PDSS2: variants seen among roughly 807,000 people sequenced by gnomAD.
The protein encoded by PDSS2 is all trans-polyprenyl-diphosphate synthase PDSS2.
A neutral mutation model predicts 44.5 loss-of-function variants in PDSS2; 31 were observed. That is an observed-to-expected ratio of 0.70 (90% CI 0.52 to 0.94). The LOEUF is 0.94. Ranked by LOEUF, PDSS2 falls within the 40% of genes least tolerant of loss-of-function variation. PDSS2 has a pLI of 0.00. For missense variants in PDSS2, 452 were observed against 482.2 expected (o/e 0.94, Z 0.59); for synonymous variants, 157 against 180.3 (o/e 0.87, Z 1.03).
chr6:107,171,115 C>T (rs1180087702), intron 7 of PDSS2, among the ~76,000 whole-genome samples: 4 of 152,152 alleles, frequency 2.6e-5, no homozygotes, highest in Middle Eastern at 6.3e-3. Context: ...TTAAGTAGAA[C>T]AGTGAAGGAA....
chr6:107,154,807 C>A, intron 7 of PDSS2, 30 bp from the exon 8 acceptor site: 2 of 1,610,686 alleles, frequency 1.2e-6, no homozygotes, highest in South Asian at 1.1e-5. Context: ...TGATAAAAGT[C>A]AGTTTTAAAG....
chr6:107,230,755 A>G (rs964263804), intron 4 of PDSS2, among the ~76,000 whole-genome samples: 13 of 152,122 alleles, frequency 8.5e-5, no homozygotes, highest in Non-Finnish European at 1.9e-4. Flanking sequence ...GAGTTAAAGG[A>G]CAGGTAAGTA....
intron 7 of PDSS2, among the ~76,000 whole-genome samples, chr6:107,162,629 A>C (rs1452055096): frequency 2.7e-5 from 1 of 37,222 alleles, no homozygotes; most frequent in African/African-American, 1.8e-4. Context: ...TTTTTTTGAG[A>C]TGGAGTCTCA....
chr6:107,364,704 G>A (rs1284797746), intron 1 of PDSS2, among the ~76,000 whole-genome samples: 1 of 152,218 alleles, frequency 6.6e-6, no homozygotes, highest in Non-Finnish European at 1.5e-5. Context: ...AGTGCAGTGG[G>A]GGGGCTGAAG....
intron 1 of PDSS2, among the ~76,000 whole-genome samples, chr6:107,435,505 T>A (rs78655538): frequency 0.062 from 9,383 of 151,960 alleles, 390 homozygotes; most frequent in Middle Eastern, 0.16. Context: ...TATACTAGAG[T>A]AGTAGTCCTG....
intron 3 of PDSS2, among the ~76,000 whole-genome samples, chr6:107,251,002 C>T (rs529066789): frequency 6.6e-6 from 1 of 152,162 alleles, no homozygotes; most frequent in East Asian, 1.9e-4. Context: ...ACTACAGGTG[C>T]CCGCCACCAC....
intron 2 of PDSS2, among the ~76,000 whole-genome samples, chr6:107,325,729 T>C (rs755226733): frequency 1.3e-5 from 2 of 152,142 alleles, no homozygotes; most frequent in Non-Finnish European, 2.9e-5. Flanking sequence ...GTTCATGTCT[T>C]TTGTCCATGT....
chr6:107,281,383 T>C (rs1420513781), intron 2 of PDSS2, among the ~76,000 whole-genome samples: 1 of 152,194 alleles, frequency 6.6e-6, no homozygotes, highest in Non-Finnish European at 1.5e-5. Context: ...AGAGTCTTGT[T>C]GTAAGTCTTG....
At chr6:107,229,525 T>C (rs1175077355) in intron 4 of PDSS2, among the ~76,000 whole-genome samples, 3 of 152,178 alleles carry the variant, frequency 2.0e-5, no homozygotes, top group African/African-American at 4.8e-5. Flanking sequence ...ACTTTCAATA[T>C]AAACCCCCTT....
chr6:107,409,766 C>T (rs756177052), intron 1 of PDSS2, among the ~76,000 whole-genome samples: 5 of 152,182 alleles, frequency 3.3e-5, no homozygotes, highest in Admixed American at 1.3e-4. Flanking sequence ...AAAGTAGACA[C>T]GGTTCCTGCC....
At chr6:107,220,125 A>C (rs1773551514) in intron 4 of PDSS2, among the ~76,000 whole-genome samples, 1 of 79,358 alleles carries the variant, frequency 1.3e-5, no homozygotes, top group Non-Finnish European at 2.3e-5. Context: ...GGTGTGTGTG[A>C]AAATGTTCTA....
At chr6:107,218,271 A>G (rs1278533513) in intron 4 of PDSS2, among the ~76,000 whole-genome samples, 1 of 152,206 alleles carries the variant, frequency 6.6e-6, no homozygotes, top group Non-Finnish European at 1.5e-5. Flanking sequence ...GGTGACCTTT[A>G]AAAACACAAA....
At chr6:107,363,644 A>G (rs1778856125) in intron 1 of PDSS2, among the ~76,000 whole-genome samples, 1 of 152,220 alleles carries the variant, frequency 6.6e-6, no homozygotes, top group Non-Finnish European at 1.5e-5. Flanking sequence ...CAAAGCTCCC[A>G]CGGTGTGGAA....
At chr6:107,164,230 A>G (rs1771254757) in intron 7 of PDSS2, among the ~76,000 whole-genome samples, 1 of 152,006 alleles carries the variant, frequency 6.6e-6, no homozygotes, top group African/African-American at 2.4e-5. Context: ...GGTTTGTTAC[A>G]TATGTATACA....
chr6:107,369,198 T>A (rs1032310226), intron 1 of PDSS2, among the ~76,000 whole-genome samples: 1 of 152,124 alleles, frequency 6.6e-6, no homozygotes, highest in African/African-American at 2.4e-5. Context: ...GGTTGGCAGA[T>A]CACGAGGTCA....
intron 1 of PDSS2, among the ~76,000 whole-genome samples, chr6:107,411,887 T>C (rs1043586848): frequency 6.9e-6 from 1 of 145,594 alleles, no homozygotes; most frequent in African/African-American, 2.5e-5. Flanking sequence ...TTCTTTTTTT[T>C]TTTTTTTTTT....
chr6:107,362,332 G>C (rs1778805241), intron 1 of PDSS2, among the ~76,000 whole-genome samples: 2 of 152,208 alleles, frequency 1.3e-5, no homozygotes, highest in Non-Finnish European at 1.5e-5. Context: ...GATCCATCAG[G>C]AGAGACTGGA....
chr6:107,218,104 T>C (rs779492641), intron 4 of PDSS2, among the ~76,000 whole-genome samples: 2 of 152,252 alleles, frequency 1.3e-5, no homozygotes, highest in Non-Finnish European at 2.9e-5. Context: ...ACCTTCTCTC[T>C]GTTCTTCAGA....
intron 2 of PDSS2, among the ~76,000 whole-genome samples, chr6:107,318,459 T>G (rs1173612285): frequency 6.6e-6 from 1 of 152,064 alleles, no homozygotes; most frequent in African/African-American, 2.4e-5. Flanking sequence ...ATTTTTTACT[T>G]TGACACAATC....
Sources: gnomAD v4.1 joint callset for allele counts (sites outside exome capture counted in the v4.1 genomes callset) on GRCh38, gnomAD v4.1.1 for gene constraint, MANE v1.5 for transcripts, NCBI Gene and HGNC (gene_info 2026-07-23, HGNC 2026-07-21) for gene names.